Variants in MTRF1 observed in about 807,000 individuals in gnomAD.
The protein encoded by MTRF1 is peptide chain release factor 1, mitochondrial.
In MTRF1, 51 loss-of-function variants were observed where a neutral mutation model predicts 62.9. The ratio of observed to expected loss-of-function variants is 0.81; its 90% CI spans 0.65 to 1.02. The LOEUF (loss-of-function observed/expected upper bound fraction) is 1.02, where lower values mean the gene tolerates loss of function less well. Ranked by LOEUF, MTRF1 falls within the 50% of genes least tolerant of loss-of-function variation. The probability of loss-of-function intolerance (pLI) is 0.00; values close to 1 mark genes in which losing one functional copy is unlikely to be tolerated. For synonymous variants in MTRF1, 158 were observed against 181.9 expected (o/e 0.87, Z 1.06); for missense variants, 446 against 530.0 (o/e 0.84, Z 1.56).
chr13:41,278,535 T>A, the MTRF1 span, among the ~76,000 whole-genome samples: 1 of 152,222 alleles, frequency 6.6e-6, no homozygotes, highest in Non-Finnish European at 1.5e-5. Context: ...CTGTTATAGC[T>A]GAAGTGTGAA....
At chr13:41,273,284 C>CCACT in the MTRF1 span, among the ~76,000 whole-genome samples, 1 of 151,414 alleles carries the variant, frequency 6.6e-6, no homozygotes, top group Non-Finnish European at 1.5e-5. Context: ...CGAGATCGCG[C>CCACT]CACTGCACTC....
chr13:41,250,694 A>G (rs1359265420), intron 5 of MTRF1, among the ~76,000 whole-genome samples: 1 of 152,108 alleles, frequency 6.6e-6, no homozygotes, highest in Non-Finnish European at 1.5e-5. Flanking sequence ...GGGTTTTACC[A>G]TGTTGGTCAG....
Position 41,252,554 on chromosome 13 carries a change from C to CA in MTRF1, c.697+90dup, listed in dbSNP as rs898317168. The stretch of plus-strand genomic sequence containing the variant: ...TTTAGTAGATATACACCAAAAGTTT[C>CA]AAAAAAAAATGGGACAATATGGTTC... On this transcript the variant is annotated intron_variant, in intron 5 of 9. Coordinates refer to ENST00000379480, the MANE Select transcript of MTRF1 (RefSeq NM_004294.4). 1,994 of 940,428 alleles carry CA rather than the reference C, an allele frequency of 2.1e-3. 2 individuals are homozygous for CA. The highest frequency in any genetic ancestry group is 3.2e-3 in the South Asian group (197 of 61,020). The allele number at this position is 940,428 out of a possible 1,614,324, so 58.3% of individuals were successfully genotyped here.
the MTRF1 span, among the ~76,000 whole-genome samples, chr13:41,283,863 C>T: frequency 6.6e-6 from 1 of 152,026 alleles, no homozygotes; most frequent in African/African-American, 2.4e-5. Flanking sequence ...AGGCGTGAGC[C>T]ACCGCGCCCG....
the MTRF1 span, among the ~76,000 whole-genome samples, chr13:41,278,873 G>A: frequency 1.3e-5 from 2 of 152,304 alleles, no homozygotes; most frequent in South Asian, 2.1e-4. Flanking sequence ...GAGTTAGCCT[G>A]AAAGACTAGT....
At chr13:41,307,111 G>A in the MTRF1 span, among the ~76,000 whole-genome samples, 6 of 152,230 alleles carry the variant, frequency 3.9e-5, no homozygotes, top group Middle Eastern at 6.8e-3. Context: ...CGTGATTGGT[G>A]TTCTTTTCTA....
the MTRF1 span, among the ~76,000 whole-genome samples, chr13:41,290,271 T>C: frequency 6.6e-6 from 1 of 151,328 alleles, no homozygotes; most frequent in Non-Finnish European, 1.5e-5. Context: ...GCTAATTTTT[T>C]TGTATTTTTA....
chr13:41,295,159 C>A, the MTRF1 span, among the ~76,000 whole-genome samples: 1 of 152,250 alleles, frequency 6.6e-6, no homozygotes, highest in East Asian at 1.9e-4. Flanking sequence ...ATGTTTTTAT[C>A]AATTCCTGTA....
intron 2 of MTRF1, among the ~76,000 whole-genome samples, chr13:41,256,875 A>G (rs2039800310): frequency 2.0e-5 from 3 of 152,214 alleles, no homozygotes; most frequent in Admixed American, 2.0e-4. Flanking sequence ...CATGCTGCAG[A>G]AGATAGAAAA....
chr13:41,275,564 C>T, the MTRF1 span, among the ~76,000 whole-genome samples: 109,228 of 151,022 alleles, frequency 0.72, 41,489 homozygotes, highest in South Asian at 0.89. Flanking sequence ...GTGATCTTGG[C>T]TCACTGCAAC....
the MTRF1 span, among the ~76,000 whole-genome samples, chr13:41,278,887 A>C: frequency 6.6e-6 from 1 of 152,220 alleles, no homozygotes; most frequent in Non-Finnish European, 1.5e-5. Context: ...GACTAGTTTC[A>C]GGCCATGATG....
the MTRF1 span, among the ~76,000 whole-genome samples, chr13:41,277,916 T>C: frequency 1.3e-5 from 2 of 152,262 alleles, no homozygotes; most frequent in African/African-American, 2.4e-5. Flanking sequence ...TTAGGAGTTA[T>C]ATGACAGGAC....
chr13:41,252,896 G>T, intron 4 of MTRF1, 53 bp downstream of exon 4: 1 of 1,433,746 alleles, frequency 7.0e-7, no homozygotes. Flanking sequence ...ATCAAATAAG[G>T]TAAAATTCAA....
chr13:41,275,503 T>A, the MTRF1 span, among the ~76,000 whole-genome samples: 1 of 148,638 alleles, frequency 6.7e-6, no homozygotes, highest in Non-Finnish European at 1.5e-5. Context: ...CCCGGCTTTT[T>A]TTTTTTGAGA....
chr13:41,274,956 G>A, the MTRF1 span, among the ~76,000 whole-genome samples: 27 of 152,086 alleles, frequency 1.8e-4, no homozygotes, highest in Non-Finnish European at 2.6e-4. Context: ...CTTTAGAAAC[G>A]AAAGACATCA....
At chr13:41,238,261 A>G (rs1036320246) in intron 6 of MTRF1, among the ~76,000 whole-genome samples, 2 of 152,200 alleles carry the variant, frequency 1.3e-5, no homozygotes, top group African/African-American at 4.8e-5. Flanking sequence ...GAAAGCATAG[A>G]TGCACTCAAA....
Position 41,240,309 on chromosome 13 carries a change from G to A in MTRF1, c.822C>T (p.Arg274=). The change falls in exon 6 of 10, where the codon CGC becomes CGT. Residue 274 remains arginine (R), a synonymous_variant. Coordinates refer to ENST00000379480, the MANE Select transcript of MTRF1 (RefSeq NM_004294.4). ...PEVGLSSRMQ[R]IHTGTMSVIV... is the part of the protein sequence containing the mutation. ...TAACCGACATCGTTCCTGTGTGAAT[G>A]CGCTGCATCCTTGAGGACAGGCCCA... 6.2e-7 allele frequency: 1 copy of A among 1,613,098 alleles called. No homozygotes were observed. Among genetic ancestry groups the A allele is most frequent in the Non-Finnish European group, 8.5e-7 (1 of 1,179,540 alleles).
intron 2 of MTRF1, among the ~76,000 whole-genome samples, chr13:41,259,544 CA>C: frequency 6.7e-6 from 1 of 150,044 alleles, no homozygotes; most frequent in South Asian, 2.1e-4. Flanking sequence ...TACTGAAATA[CA>C]AAAAAAATTA....
At chr13:41,217,358 C>T (rs1222824463) in intron 9 of MTRF1, 130 bp from the exon 10 acceptor site, 4 of 498,384 alleles carry the variant, frequency 8.0e-6, no homozygotes, top group East Asian at 6.4e-5. Flanking sequence ...TTCTGTAATA[C>T]AATGAACACA....
Sources: gnomAD v4.1 joint callset for allele counts (sites outside exome capture counted in the v4.1 genomes callset) on GRCh38, gnomAD v4.1.1 for gene constraint, MANE v1.5 for transcripts, NCBI Gene and HGNC (gene_info 2026-07-23, HGNC 2026-07-21) for gene names.